C12orf42: variants seen among roughly 807,000 people sequenced by gnomAD.
C12orf42 encodes the protein uncharacterized protein C12orf42.
A neutral mutation model predicts 21.6 loss-of-function variants in C12orf42; 25 were observed. The ratio of observed to expected loss-of-function variants is 1.16; its 90% CI spans 0.84 to 1.62. C12orf42 has a LOEUF of 1.62. Ranked by LOEUF, C12orf42 falls within the 40% of genes most tolerant of loss-of-function variation. The pLI, the probability that C12orf42 is intolerant of heterozygous loss-of-function variation, is 0.00. For missense variants in C12orf42, 483 were observed against 459.3 expected, an observed-to-expected ratio of 1.05 and a Z score of -0.47; for synonymous variants, 174 against 175.0, an observed-to-expected ratio of 0.99 and a Z score of 0.05.
intron 4 of C12orf42, among the ~76,000 whole-genome samples, chr12:103,311,638 T>C (rs768712892): frequency 6.6e-6 from 1 of 152,158 alleles, no homozygotes; most frequent in Non-Finnish European, 1.5e-5. Flanking sequence ...AATCTACCAT[T>C]CTAGATAGTG....
the C12orf42 span, among the ~76,000 whole-genome samples, chr12:103,154,031 A>G: frequency 1.7e-5 from 2 of 114,470 alleles, no homozygotes; most frequent in Non-Finnish European, 3.9e-5. Flanking sequence ...TCAGCAAAAA[A>G]AAAAAAAAAA....
the C12orf42 span, among the ~76,000 whole-genome samples, chr12:103,141,529 CT>C: frequency 2.0e-3 from 252 of 125,764 alleles, 2 homozygotes; most frequent in Non-Finnish European, 3.5e-3. Flanking sequence ...AATAATAACA[CT>C]TTTTTTTTTT....
At chr12:103,258,744 C>A (rs2034738718) in intron 10 of C12orf42, among the ~76,000 whole-genome samples, 2 of 151,800 alleles carry the variant, frequency 1.3e-5, no homozygotes, top group Non-Finnish European at 2.9e-5. Context: ...AGCATCAAAA[C>A]CTATATGATA....
At chr12:103,418,962 A>T (rs1455935131) in intron 2 of C12orf42, among the ~76,000 whole-genome samples, 1 of 152,084 alleles carries the variant, frequency 6.6e-6, no homozygotes, top group Non-Finnish European at 1.5e-5. Flanking sequence ...AATTAAACAG[A>T]TGAGTCCTGA....
chr12:103,481,664 A>G (rs1304448634), intron 1 of C12orf42, among the ~76,000 whole-genome samples: 1 of 151,850 alleles, frequency 6.6e-6, no homozygotes, highest in Non-Finnish European at 1.5e-5. Context: ...TTTAAAAAAA[A>G]AATACCGTCT....
chr12:103,480,467 A>C (rs1036918390), intron 1 of C12orf42, among the ~76,000 whole-genome samples: 2 of 150,528 alleles, frequency 1.3e-5, no homozygotes, highest in Non-Finnish European at 3.0e-5. Flanking sequence ...GTTTGTTTTA[A>C]ATTATTTATT....
chr12:103,285,338 C>T (rs1297436735), intron 4 of C12orf42, among the ~76,000 whole-genome samples: 1 of 152,210 alleles, frequency 6.6e-6, no homozygotes. Flanking sequence ...TATTAACCTT[C>T]CTAAGGATCC....
chr12:103,337,561 C>T (rs1345455284), intron 4 of C12orf42, among the ~76,000 whole-genome samples: 3 of 152,084 alleles, frequency 2.0e-5, no homozygotes, highest in Non-Finnish European at 4.4e-5. Flanking sequence ...ACAATGTTGG[C>T]CAGGATGGTC....
At chr12:103,457,296 G>GA (rs1477467597) in intron 2 of C12orf42, among the ~76,000 whole-genome samples, 1 of 152,210 alleles carries the variant, frequency 6.6e-6, no homozygotes. Context: ...CAAGGGGGAA[G>GA]AAAGTAGCTT....
At chr12:103,184,236 T>G in the C12orf42 span, among the ~76,000 whole-genome samples, 3 of 152,230 alleles carry the variant, frequency 2.0e-5, no homozygotes, top group Non-Finnish European at 4.4e-5. Context: ...GTTTTATTGT[T>G]TGGTGCATAC....
intron 2 of C12orf42, among the ~76,000 whole-genome samples, chr12:103,415,265 A>G (rs1362669915): frequency 6.6e-6 from 1 of 152,230 alleles, no homozygotes; most frequent in Non-Finnish European, 1.5e-5. Flanking sequence ...TGGTGCACCC[A>G]GATTCATTAA....
At chr12:103,328,456 A>G (rs1467694996) in intron 4 of C12orf42, among the ~76,000 whole-genome samples, 2 of 152,172 alleles carry the variant, frequency 1.3e-5, no homozygotes, top group Admixed American at 1.3e-4. Flanking sequence ...AATTCAATCT[A>G]TGTCAGCTAT....
At chr12:103,274,622 A>G (rs1476831574) in intron 5 of C12orf42, among the ~76,000 whole-genome samples, 2 of 152,104 alleles carry the variant, frequency 1.3e-5, no homozygotes, top group Non-Finnish European at 2.9e-5. Context: ...TTGTTTTTCT[A>G]CTGTTTGTGT....
chr12:103,063,445 C>T, the C12orf42 span, among the ~76,000 whole-genome samples: 35 of 152,116 alleles, frequency 2.3e-4, no homozygotes, highest in African/African-American at 8.5e-4. Context: ...TGTGGGAGGA[C>T]CCTGATGAAG....
the C12orf42 span, among the ~76,000 whole-genome samples, chr12:103,135,286 C>A: frequency 6.6e-6 from 1 of 151,964 alleles, no homozygotes; most frequent in Admixed American, 6.6e-5. Context: ...AAAATCCTAT[C>A]TCTACTAAAA....
At chr12:103,146,610 A>AAGAAAGAAAGAT in the C12orf42 span, among the ~76,000 whole-genome samples, 315 of 147,796 alleles carry the variant, frequency 2.1e-3, no homozygotes, top group South Asian at 4.2e-3. Flanking sequence ...GAAAGAAAGA[A>AAGAAAGAAAGAT]AAAGAAAAGT....
At chr12:103,173,498 T>C in the C12orf42 span, among the ~76,000 whole-genome samples, 1 of 152,136 alleles carries the variant, frequency 6.6e-6, no homozygotes, top group Non-Finnish European at 1.5e-5. Context: ...GCCTGCAGAC[T>C]TTCTGAGATC....
At chr12:103,401,554 C>A in intron 3 of C12orf42, 53 bp downstream of exon 3, 1 of 1,487,666 alleles carries the variant, frequency 6.7e-7, no homozygotes, top group South Asian at 1.2e-5. Context: ...GCAACTGAAC[C>A]CTAAAGGACG....
chr12:103,089,983 C>A, the C12orf42 span, among the ~76,000 whole-genome samples: 3 of 152,276 alleles, frequency 2.0e-5, no homozygotes, highest in East Asian at 5.8e-4. Context: ...CTACCTGCTA[C>A]CCACACACAC....
Sources: gnomAD v4.1 joint callset for allele counts (sites outside exome capture counted in the v4.1 genomes callset) on GRCh38, gnomAD v4.1.1 for gene constraint, MANE v1.5 for transcripts, NCBI Gene and HGNC (gene_info 2026-07-23, HGNC 2026-07-21) for gene names.